Variants in SVIL observed in about 807,000 individuals in gnomAD.
The protein encoded by SVIL is supervillin.
A neutral mutation model predicts 240.4 loss-of-function variants in SVIL; 101 were observed. The observed-to-expected ratio is 0.42, with a 90% CI of 0.36 to 0.50. The LOEUF is 0.50. Ranked by LOEUF, SVIL falls within the 20% of genes least tolerant of loss-of-function variation. The pLI is 0.01. For synonymous variants in SVIL, 999 were observed against 1,100.0 expected (o/e 0.91, Z 1.82); for missense variants, 2,512 against 2,818.7 (o/e 0.89, Z 2.46).
At chr10:29,710,392 T>G (rs560333826) in intron 1 of SVIL, among the ~76,000 whole-genome samples, 2 of 152,302 alleles carry the variant, frequency 1.3e-5, no homozygotes, top group Admixed American at 1.3e-4. Context: ...CTCTTTTCCT[T>G]TTAGTAGTTA....
rs201553916 is a variant in SVIL, at chr10:29,552,119, AAAAAC to A, written c.161-861_161-857del. Among the ~76,000 whole-genome samples the A allele has an allele frequency of 6.2e-3, 684 of 109,546 alleles. 5 individuals carry two copies. The highest frequency in any genetic ancestry group is 0.023 in the African/African-American group (612 of 26,508). The allele number at this position is 109,546 out of a possible 152,430, so 71.9% of individuals were successfully genotyped here. On this transcript the variant is annotated intron_variant, in intron 5 of 37. Coordinates refer to ENST00000355867, the MANE Select transcript of SVIL (RefSeq NM_021738.3). ...AGCAAGAGAGCAAGACCTTGTCTCA[AAAAAC>A]AAAACAAAAAAAAAAACCTATCAAT... is the stretch of plus-strand genomic sequence containing the variant.
At chr10:29,559,527 T>C (rs917793196) in intron 3 of SVIL, among the ~76,000 whole-genome samples, 1 of 152,264 alleles carries the variant, frequency 6.6e-6, no homozygotes, top group Non-Finnish European at 1.5e-5. Context: ...GTCATAATTA[T>C]AATTCATATA....
chr10:29,533,424 T>C lies in SVIL; in HGVS notation c.943A>G (p.Ser315Gly). 6.2e-7 allele frequency: 1 copy of C among 1,613,392 alleles called. No individual in the cohort carries two copies. The highest frequency in any genetic ancestry group is 1.1e-5 in the South Asian group (1 of 90,980). ...GCGAGTTCAGGGCTGTTTCGAGCACTTTCCTCTTTCACCAATTTTTCTCTA... is the reference window on the plus strand; with the variant it reads ...GCGAGTTCAGGGCTGTTTCGAGCACCTTCCTCTTTCACCAATTTTTCTCTA... ...KVREKLVKEE[S>G]ARNSPELASE... The change falls in exon 8 of 38, where the codon AGT (serine) becomes GGT (glycine). Residue 315 changes from serine (S) to glycine (G), a missense_variant. Around this residue, in one of 3 missense-constraint regions of SVIL, gnomAD observed 1,443 missense variants for 1,486.6 expected, o/e 0.97. Transcript: ENST00000355867.
intron 1 of SVIL, among the ~76,000 whole-genome samples, chr10:29,576,969 C>T (rs558888777): frequency 2.9e-4 from 44 of 152,262 alleles, no homozygotes; most frequent in South Asian, 2.7e-3. Context: ...CAACCTCTGC[C>T]TCCTGGATTC....
At chr10:29,661,576 G>A (rs368881193) in intron 2 of SVIL, among the ~76,000 whole-genome samples, 12 of 152,156 alleles carry the variant, frequency 7.9e-5, no homozygotes, top group South Asian at 4.1e-4. Flanking sequence ...ATTTCTTTCC[G>A]GACAAAACAA....
intron 2 of SVIL, among the ~76,000 whole-genome samples, chr10:29,664,964 A>G (rs1421968958): frequency 6.6e-6 from 1 of 152,096 alleles, no homozygotes. Flanking sequence ...ACTAAGAAAG[A>G]GGCAAGGGCT....
rs779108297 is a variant in SVIL, at chr10:29,486,597, C to T, written c.4486-40G>A. Reference sequence around the variant, plus strand: ...AACACAATTGCCTGGGTAGAAAAGCCCTTGGCTAGACAGAGTGGCACATGT... The same window carrying T: ...AACACAATTGCCTGGGTAGAAAAGCTCTTGGCTAGACAGAGTGGCACATGT... On this transcript the variant is annotated intron_variant, in intron 24 of 37. Coordinates refer to ENST00000355867, the MANE Select transcript of SVIL (RefSeq NM_021738.3). The T allele has an allele frequency of 2.5e-6, 4 of 1,613,068 alleles. 1 individual carries two copies. The highest frequency in any genetic ancestry group is 2.2e-5 in the South Asian group (2 of 90,990).
chr10:29,695,038 GAAT>G (rs1961820514), intron 1 of SVIL, among the ~76,000 whole-genome samples: 1 of 152,142 alleles, frequency 6.6e-6, no homozygotes, highest in East Asian at 1.9e-4. Context: ...CAATTCTAGT[GAAT>G]TGGGGTTCCA....
intron 1 of SVIL, among the ~76,000 whole-genome samples, chr10:29,702,232 TC>T (rs933362993): frequency 1.3e-5 from 2 of 149,540 alleles, no homozygotes; most frequent in African/African-American, 4.9e-5. Flanking sequence ...CAATGAACTG[TC>T]CCATACTATA....
chr10:29,523,638 T>G lies in SVIL; in HGVS notation c.2976A>C (p.Lys992Asn). Residue 992 changes from lysine (K) to asparagine (N), a missense_variant, in exon 15 of 38, where the codon AAA becomes AAC. Lys to Asn is a moderately conservative substitution (Grantham distance 94). Transcript: ENST00000355867. ...GGCTTCCTCTTCTGGGAACAGCATA[T>G]TTAGATTCCTTATGGCTGTCTCCTT... ...AREGDSHKES[K>N]YAVPRRGSLE... is the part of the protein sequence containing the mutation. 6.2e-7 allele frequency: 1 copy of G among 1,614,134 alleles called. No homozygotes were observed. The highest frequency in any genetic ancestry group is 1.1e-5 in the South Asian group (1 of 91,072).
At position 29,499,033 on chromosome 10, in the gene SVIL, G is replaced by A. The variant is rs1010010414; in HGVS notation, c.3664+83C>T. On this transcript the variant is annotated intron_variant, in intron 18 of 37. Coordinates refer to ENST00000355867, the MANE Select transcript of SVIL (RefSeq NM_021738.3). ...TTCTTCTTTTAAATTGAGCTATCAC[G>A]TACCACCATGCCCTCCATGGGTAAG... 37 of 1,519,860 alleles carry A rather than the reference G, an allele frequency of 2.4e-5. 1 individual carries two copies. The highest frequency in any genetic ancestry group is 6.3e-5 in the South Asian group (5 of 79,882). 94.1% of individuals were successfully genotyped at this position (1,519,860 alleles called of 1,614,324 possible).
chr10:29,639,264 C>T (rs1016907568), upstream of SVIL, among the ~76,000 whole-genome samples: 3 of 151,926 alleles, frequency 2.0e-5, no homozygotes, highest in Non-Finnish European at 2.9e-5. Context: ...TTCCTCCTCC[C>T]GAGTTCAAGT....
intron 1 of SVIL, among the ~76,000 whole-genome samples, chr10:29,696,123 C>T (rs1472589082): frequency 2.0e-5 from 3 of 151,852 alleles, no homozygotes; most frequent in African/African-American, 4.8e-5. Context: ...GACTGGTTTT[C>T]GTGTTTTTTT....
At chr10:29,596,932 C>T (rs996952125) in intron 1 of SVIL, among the ~76,000 whole-genome samples, 51 of 152,308 alleles carry the variant, frequency 3.3e-4, no homozygotes, top group African/African-American at 8.9e-4. Context: ...TCCATTGCTA[C>T]GATGAGGAGA....
chr10:29,654,996 C>A (rs1958953184), intron 3 of SVIL, among the ~76,000 whole-genome samples: 1 of 152,150 alleles, frequency 6.6e-6, no homozygotes, highest in African/African-American at 2.4e-5. Context: ...CTTAGTCTAC[C>A]ACTCATACAC....
Position 29,550,806 on chromosome 10 carries a change from T to C in SVIL, c.618A>G (p.Arg206=). The C allele has an allele frequency of 6.2e-7, 1 of 1,614,028 alleles. No homozygotes were observed. The highest frequency in any genetic ancestry group is 8.5e-7 in the Non-Finnish European group (1 of 1,180,006). Residue 206 remains arginine (R), a synonymous_variant, in exon 6 of 38, where the codon AGA becomes AGG. Transcript: ENST00000355867. The part of the protein sequence containing the change: ...PEVLLNIENQ[R]RGQELSATRQ... ...GGGTGGCACTCAGCTCTTGACCTCG[T>C]CTTTGGTTTTCTATGTTCAGCAGCA...
intron 1 of SVIL, among the ~76,000 whole-genome samples, chr10:29,595,157 C>A (rs10826669): frequency 0.25 from 38,132 of 152,154 alleles, 5,340 homozygotes; most frequent in Admixed American, 0.3. Flanking sequence ...AGCAGTCCCG[C>A]CTCTGTTCTG....
At position 29,473,951 on chromosome 10, in the gene SVIL, C is replaced by G; in HGVS notation, c.5416G>C (p.Ala1806Pro). 1 of 1,613,996 alleles carries G rather than the reference C, an allele frequency of 6.2e-7. No individual in the cohort carries two copies. Among genetic ancestry groups the G allele is most frequent in the Non-Finnish European group, 8.5e-7 (1 of 1,180,022 alleles). ...RQKGEHSVRA[A>P]GKEKCVYFFW... ...AAGTAGACGCACTTCTCTTTGCCGG[C>G]TGCCCTCACCGAGTGCTCTCCCTTC... Residue 1806 changes from alanine to proline, a missense_variant, in exon 30 of 38, where the codon GCC (alanine) becomes CCC (proline). Ala to Pro is a conservative substitution (Grantham distance 27). Coordinates refer to ENST00000355867, the MANE Select transcript of SVIL (RefSeq NM_021738.3).
intron 1 of SVIL, among the ~76,000 whole-genome samples, chr10:29,603,364 A>G (rs940954798): frequency 3.3e-5 from 5 of 152,218 alleles, no homozygotes; most frequent in Non-Finnish European, 5.9e-5. Context: ...AAAAATAGGA[A>G]TCTCTGTATT....
Sources: allele counts gnomAD v4.1 joint callset (sites outside exome capture counted in the v4.1 genomes callset), GRCh38; gene constraint gnomAD v4.1.1; regional missense constraint gnomAD v4.1.1; transcripts MANE v1.5; gene names NCBI Gene and HGNC (gene_info 2026-07-23, HGNC 2026-07-21).